The following CELF4 variants were observed in gnomAD, a reference collection of about 807,000 sequenced individuals.
CELF4 encodes CUGBP Elav-like family member 4, also known as CUG-BP- and ETR-3-like factor 4.
CELF4 carries 18 observed loss-of-function variants against 59.9 expected under a neutral mutation model. The observed-to-expected ratio is 0.30, with a 90% confidence interval of 0.21 to 0.45. CELF4 has a LOEUF of 0.45. Among genes scored for constraint, CELF4 ranks in the 20% least tolerant of loss-of-function variants. The probability of loss-of-function intolerance (pLI) is 1.00; values close to 1 mark genes in which losing one functional copy is unlikely to be tolerated. For missense variants in CELF4, 456 were observed against 689.0 expected (o/e 0.66, Z 3.79); for synonymous variants, 261 against 267.1 (o/e 0.98, Z 0.22).
At chr18:37,548,806 G>A (rs946796634) in intron 1 of CELF4, among the ~76,000 whole-genome samples, 1 of 152,196 alleles carries the variant, frequency 6.6e-6, no homozygotes, top group African/African-American at 2.4e-5. Flanking sequence ...CCAGCATGGG[G>A]CAAGGACCCA....
intron 2 of CELF4, among the ~76,000 whole-genome samples, chr18:37,408,491 C>CG (rs777473520): frequency 2.4e-5 from 1 of 40,970 alleles, no homozygotes; most frequent in Admixed American, 3.4e-4. Context: ...TTGGTTGGTG[C>CG]CGGGGGGGGG....
intron 9 of CELF4, 162 bp downstream of exon 9, chr18:37,266,371 A>G: frequency 1.3e-6 from 1 of 745,886 alleles, no homozygotes; most frequent in South Asian, 1.7e-5. Context: ...CGCTGACAAG[A>G]AGGCAGCCTG....
chr18:37,563,561 A>C (rs1761632838), intron 1 of CELF4, among the ~76,000 whole-genome samples: 2 of 152,044 alleles, frequency 1.3e-5, no homozygotes, highest in South Asian at 4.2e-4. Context: ...GATATGGTTG[A>C]CTTGAGAGGG....
At chr18:37,347,597 C>T (rs2098310604) in intron 2 of CELF4, among the ~76,000 whole-genome samples, 1 of 152,154 alleles carries the variant, frequency 6.6e-6, no homozygotes, top group Non-Finnish European at 1.5e-5. Context: ...CTGGAGGTTC[C>T]TTCACAGCTC....
At chr18:37,242,995 G>T (rs1002928913), downstream of CELF4, 19 of 152,162 alleles carry the variant, frequency 1.2e-4, no homozygotes, top group African/African-American at 3.9e-4. Flanking sequence ...GGGCTGTGAG[G>T]CACAGCTGGC....
intron 3 of CELF4, among the ~76,000 whole-genome samples, chr18:37,275,473 A>G (rs905225524): frequency 3.9e-5 from 6 of 152,042 alleles, no homozygotes; most frequent in Admixed American, 3.9e-4. Flanking sequence ...GTCGCGGGAC[A>G]GGTGCGGAGA....
chr18:37,320,710 G>C, intron 3 of CELF4, among the ~76,000 whole-genome samples: 1 of 152,200 alleles, frequency 6.6e-6, no homozygotes, highest in East Asian at 1.9e-4. Flanking sequence ...TCTGGGCAGG[G>C]CCCAGAGGGG....
At chr18:37,296,293 G>A (rs1277625698) in intron 3 of CELF4, among the ~76,000 whole-genome samples, 1 of 152,184 alleles carries the variant, frequency 6.6e-6, no homozygotes, top group African/African-American at 2.4e-5. Context: ...GACTACAGGT[G>A]TTACAGAAAG....
intron 1 of CELF4, among the ~76,000 whole-genome samples, chr18:37,515,299 A>G (rs1265199537): frequency 2.0e-5 from 3 of 151,932 alleles, no homozygotes; most frequent in Non-Finnish European, 2.9e-5. Context: ...TTTGCTTTTC[A>G]TCCCTCCCTG....
At chr18:37,421,902 C>T (rs1477585277) in intron 2 of CELF4, among the ~76,000 whole-genome samples, 1 of 152,250 alleles carries the variant, frequency 6.6e-6, no homozygotes, top group Non-Finnish European at 1.5e-5. Flanking sequence ...ATCCTCACAC[C>T]TCCCTCTGGT....
At chr18:37,458,765 C>A (rs1049787902) in intron 2 of CELF4, among the ~76,000 whole-genome samples, 1 of 152,144 alleles carries the variant, frequency 6.6e-6, no homozygotes, top group African/African-American at 2.4e-5. Flanking sequence ...TAAAGTTTCT[C>A]GGGGTTTGCA....
intron 1 of CELF4, among the ~76,000 whole-genome samples, chr18:37,549,113 C>A (rs1557339): frequency 0.59 from 89,696 of 152,198 alleles, 30,678 homozygotes; most frequent in East Asian, 0.81. Context: ...GACTACCCTT[C>A]TCCCAAACAG....
chr18:37,256,550 G>A (rs966333630), intron 11 of CELF4, among the ~76,000 whole-genome samples: 8 of 152,152 alleles, frequency 5.3e-5, no homozygotes, highest in African/African-American at 1.9e-4. Context: ...AGGGAATGCT[G>A]AAGTTAGGTA....
At chr18:37,393,290 T>A (rs547068183) in intron 2 of CELF4, among the ~76,000 whole-genome samples, 49 of 152,306 alleles carry the variant, frequency 3.2e-4, no homozygotes, top group African/African-American at 1.1e-3. Context: ...CCTGATGGGA[T>A]GTACCTGGCA....
At position 37,372,250 on chromosome 18, in the gene CELF4, G is replaced by A. The variant is rs1012639504; in HGVS notation, c.370-50369C>T. Among the ~76,000 whole-genome samples the A allele has an allele frequency of 3.9e-5, 6 of 152,326 alleles. No individual in the cohort carries two copies. The South Asian group carries it at 8.3e-4, about 21-fold the overall frequency. ...CCAACCCAAATGTCCACCAATGATA[G>A]ACTGGATTAAGAAAATGTGGCACAT... is the stretch of plus-strand genomic sequence containing the variant. On this transcript the variant is annotated intron_variant, in intron 2 of 12. Coordinates refer to ENST00000420428, the MANE Select transcript of CELF4 (RefSeq NM_020180.4).
intron 8 of CELF4, among the ~76,000 whole-genome samples, chr18:37,269,743 T>G (rs1414995036): frequency 2.0e-5 from 3 of 152,226 alleles, no homozygotes; most frequent in Admixed American, 6.5e-5. Context: ...AACTGTCCAT[T>G]CATTGGGATC....
intron 2 of CELF4, among the ~76,000 whole-genome samples, chr18:37,397,225 C>A (rs996848144): frequency 1.5e-4 from 23 of 152,170 alleles, no homozygotes; most frequent in East Asian, 1.9e-4. Flanking sequence ...GAACTCCTTG[C>A]GGTGCTTGCA....
chr18:37,322,740 T>TGAG (rs1211569648), intron 2 of CELF4, among the ~76,000 whole-genome samples: 4 of 152,160 alleles, frequency 2.6e-5, no homozygotes, highest in Non-Finnish European at 4.4e-5. Flanking sequence ...GTGAGGAGGA[T>TGAG]CACGCCAGCG....
At chr18:37,339,753 C>CAAA (rs1300133217) in intron 2 of CELF4, among the ~76,000 whole-genome samples, 6 of 69,396 alleles carry the variant, frequency 8.6e-5, no homozygotes, top group African/African-American at 3.1e-4. Flanking sequence ...GACTCTGTCT[C>CAAA]AAAAAAAAAA....
Sources: allele counts gnomAD v4.1 joint callset (sites outside exome capture counted in the v4.1 genomes callset), GRCh38; gene constraint gnomAD v4.1.1; transcripts MANE v1.5; gene names NCBI Gene and HGNC (gene_info 2026-07-23, HGNC 2026-07-21).